The following NIPA1 variants were observed in gnomAD, a reference collection of about 807,000 sequenced individuals.
NIPA1 encodes magnesium transporter NIPA1.
In NIPA1, 13 loss-of-function variants were observed where a neutral mutation model predicts 23.9. The ratio of observed to expected loss-of-function variants is 0.54; its 90% CI spans 0.35 to 0.87. NIPA1 has a LOEUF of 0.87. NIPA1 is among the 40% of genes least tolerant of loss of function. NIPA1 has a pLI of 0.01. For synonymous variants in NIPA1, 234 were observed against 202.9 expected (o/e 1.15, Z -1.30); for missense variants, 362 against 429.7 (o/e 0.84, Z 1.39).
intron 3 of NIPA1, among the ~76,000 whole-genome samples, chr15:22,814,917 T>C: frequency 6.6e-6 from 1 of 152,254 alleles, no homozygotes; most frequent in African/African-American, 2.4e-5. Flanking sequence ...CAGATAACTC[T>C]TTGTTGAGGG....
intron 1 of NIPA1, among the ~76,000 whole-genome samples, chr15:22,787,367 C>T (rs1894731011): frequency 2.6e-5 from 4 of 152,330 alleles, no homozygotes; most frequent in Admixed American, 2.0e-4. Context: ...CTCGCTGGTG[C>T]AAAAGGAAGA....
intron 2 of NIPA1, among the ~76,000 whole-genome samples, chr15:22,811,385 A>G (rs968573103): frequency 1.5e-4 from 23 of 152,134 alleles, no homozygotes; most frequent in Non-Finnish European, 3.4e-4. Context: ...AGACAGGTGG[A>G]TTGTTTGAGC....
In NIPA1 at chr15:22,824,161, G is replaced by C; in HGVS notation, c.912G>C (p.Gly304=). Residue 304 remains glycine (G), a synonymous_variant, in exon 5 of 5, where the codon GGG becomes GGC. Coordinates refer to ENST00000337435, the MANE Select transcript of NIPA1 (RefSeq NM_144599.5). This position sits in a 1 kb window ranked among gnomAD's most constrained non-coding sequence, Gnocchi z 4.1. The part of the protein sequence containing the change: ...MACGFTTVSV[G]IVLIQVFKEF... ...GTGGATTCACGACCGTCTCCGTGGG[G>C]ATTGTCCTTATACAGGTGTTCAAAG... 1 of 1,613,730 alleles carries C rather than the reference G, an allele frequency of 6.2e-7. No individual in the cohort carries two copies. Among genetic ancestry groups the C allele is most frequent in the Non-Finnish European group, 8.5e-7 (1 of 1,179,566 alleles).
At chr15:22,799,796 AT>A (rs1220544922) in intron 1 of NIPA1, among the ~76,000 whole-genome samples, 2 of 132,066 alleles carry the variant, frequency 1.5e-5, no homozygotes, top group East Asian at 2.1e-4. Flanking sequence ...AAAAAAAAAA[AT>A]TAGGCGAGTG....
intron 1 of NIPA1, among the ~76,000 whole-genome samples, chr15:22,789,324 G>A (rs1894781547): frequency 6.6e-6 from 1 of 152,086 alleles, no homozygotes. Flanking sequence ...AAGTGAACTT[G>A]TGATTTTCAT....
At chr15:22,787,127 G>A (rs1894725172) in intron 1 of NIPA1, among the ~76,000 whole-genome samples, 1 of 151,994 alleles carries the variant, frequency 6.6e-6, no homozygotes, top group African/African-American at 2.4e-5. Context: ...GCTTGCTTTG[G>A]TGTGCGGGCT....
At chr15:22,822,328 C>T (rs1379049013) in intron 4 of NIPA1, among the ~76,000 whole-genome samples, 3 of 152,058 alleles carry the variant, frequency 2.0e-5, no homozygotes, top group South Asian at 2.1e-4. Flanking sequence ...GCAGTTGTGA[C>T]GAGAATGGGA....
At chr15:22,817,215 A>G (rs1376455981) in intron 3 of NIPA1, among the ~76,000 whole-genome samples, 2 of 140,118 alleles carry the variant, frequency 1.4e-5, no homozygotes, top group Non-Finnish European at 3.1e-5. Context: ...AAAAAATTAC[A>G]TCTGCCAGGC....
chr15:22,820,033 A>T (rs1231322619), intron 3 of NIPA1, among the ~76,000 whole-genome samples: 4 of 152,042 alleles, frequency 2.6e-5, no homozygotes, highest in African/African-American at 4.8e-5. Flanking sequence ...GTCTCTACAC[A>T]AAATTTTTAA....
chr15:22,813,453 C>CT (rs1491586055), intron 3 of NIPA1, among the ~76,000 whole-genome samples: 1 of 152,140 alleles, frequency 6.6e-6, no homozygotes, highest in Non-Finnish European at 1.5e-5. Context: ...GCTGGACTCT[C>CT]TGTTTACTTA....
upstream of NIPA1, among the ~76,000 whole-genome samples, chr15:22,786,422 C>T (rs1184533383): frequency 1.3e-5 from 2 of 151,698 alleles, no homozygotes; most frequent in East Asian, 1.9e-4. Flanking sequence ...AATCCGGGAA[C>T]CCCCGCCCCA....
intron 3 of NIPA1, chr15:22,814,087 TACTC>T (rs1363289422): frequency 7.8e-7 from 1 of 1,280,524 alleles, no homozygotes; most frequent in Non-Finnish European, 1.0e-6. Context: ...CTGCAGGTGT[TACTC>T]ACTGTAGGAA....
At chr15:22,810,870 T>C in intron 2 of NIPA1, 74 bp downstream of exon 2, 1 of 1,179,176 alleles carries the variant, frequency 8.5e-7, no homozygotes, top group Non-Finnish European at 1.3e-6. Context: ...AGGGCTGGAG[T>C]GGCTGGGCTA....
rs1412975318 is a variant in NIPA1, at chr15:22,824,103, A to T, written c.854A>T (p.Asn285Ile). Residue 285 changes from asparagine to isoleucine, a missense_variant, in exon 5 of 5, where the codon AAC becomes ATC. Physicochemically the swap from Asn to Ile is moderately radical, Grantham distance 149. Coordinates refer to ENST00000337435, the MANE Select transcript of NIPA1 (RefSeq NM_144599.5). This position sits in a 1 kb window ranked among gnomAD's most constrained non-coding sequence, Gnocchi z 4.1. ...ASAILFREWS[N>I]VGLVDFLGMA... ...GCCATCCTCTTCCGGGAGTGGAGCA[A>T]CGTGGGCCTGGTGGACTTCTTGGGG... The T allele has an allele frequency of 1.2e-6, 2 of 1,614,130 alleles. No individual in the cohort carries two copies. The highest frequency in any genetic ancestry group is 1.1e-5 in the South Asian group (1 of 91,074).
At chr15:22,816,784 C>A (rs1463885332) in intron 3 of NIPA1, among the ~76,000 whole-genome samples, 2 of 151,812 alleles carry the variant, frequency 1.3e-5, no homozygotes, top group Non-Finnish European at 2.9e-5. Flanking sequence ...AGCCACCACA[C>A]CCAGCAGAGG....
chr15:22,814,077 C>T, intron 3 of NIPA1: 5 of 1,271,952 alleles, frequency 3.9e-6, no homozygotes, highest in South Asian at 1.2e-5. Context: ...TGCTCCACAT[C>T]TGCAGGTGTT....
intron 3 of NIPA1, chr15:22,814,053 C>T (rs749157384): frequency 6.9e-5 from 80 of 1,167,294 alleles, no homozygotes; most frequent in Non-Finnish European, 8.9e-5. Flanking sequence ...AGTCACTTCA[C>T]CAGAAATGTT....
intron 1 of NIPA1, among the ~76,000 whole-genome samples, chr15:22,810,212 G>A (rs74003091): frequency 0.071 from 10,780 of 152,232 alleles, 846 homozygotes; most frequent in African/African-American, 0.19. Flanking sequence ...CTGAGAGGAT[G>A]CCGGCAAGTC....
chr15:22,823,315 A>G (rs1409479519), intron 4 of NIPA1, among the ~76,000 whole-genome samples: 1 of 151,440 alleles, frequency 6.6e-6, no homozygotes, highest in Non-Finnish European at 1.5e-5. Flanking sequence ...CCTAGGTTCA[A>G]GTGATTCTCC....
Sources: allele counts gnomAD v4.1 joint callset (sites outside exome capture counted in the v4.1 genomes callset), GRCh38; gene constraint gnomAD v4.1.1; non-coding constraint Gnocchi (gnomAD v3.1); transcripts MANE v1.5; gene names NCBI Gene and HGNC (gene_info 2026-07-23, HGNC 2026-07-21).